EN2: variants seen among roughly 807,000 people sequenced by gnomAD.
The protein encoded by EN2 is homeobox protein engrailed-2.
Under a neutral mutation model 25.0 loss-of-function variants are expected in EN2, and 7 were observed. The ratio of observed to expected loss-of-function variants is 0.28; its 90% CI spans 0.16 to 0.53. EN2 has a LOEUF of 0.53. EN2 is among the 20% of genes least tolerant of loss of function. The pLI is 0.96. For missense variants in EN2, 524 were observed against 501.8 expected (o/e 1.04, Z -0.42); for synonymous variants, 277 against 243.3 (o/e 1.14, Z -1.29).
rs1322836981 is a variant in EN2 at position 155,458,464 on chromosome 7, G to T, written c.87G>T (p.Ser29=). Reference sequence around the variant, plus strand: ...CGGAATCCAGCCCCGGCGGCGGCTCGGGCGGCGGCGGCGGTAGCAGCCCGG... The same window carrying T: ...CGGAATCCAGCCCCGGCGGCGGCTCTGGCGGCGGCGGCGGTAGCAGCCCGG... ...RQPESSPGGG[S]GGGGGSSPGE... The change falls in exon 1 of 2, where the codon TCG becomes TCT. Residue 29 remains serine, a synonymous_variant. Transcript: ENST00000297375. The T allele has an allele frequency of 3.1e-6, 4 of 1,301,024 alleles. No individual in the cohort carries two copies. The highest frequency in any genetic ancestry group is 3.9e-6 in the Non-Finnish European group (4 of 1,024,012). 80.6% of individuals were successfully genotyped at this position (1,301,024 alleles called of 1,614,324 possible).
At chr7:155,459,146 G>A (rs1268633135) in intron 1 of EN2, 84 bp downstream of exon 1, 19 of 1,397,912 alleles carry the variant, frequency 1.4e-5, no homozygotes, top group Non-Finnish European at 1.8e-5. Context: ...GGAACTTACC[G>A]GGAGGAAAAC....
In EN2 at chr7:155,458,647, G is replaced by C. The variant is rs1326056582; in HGVS notation, c.270G>C (p.Ala90=). ...GRRKDAGTCC[A]GAGGGRGGGA... is the part of the protein sequence containing the mutation. The stretch of plus-strand genomic sequence containing the variant: ...GAAAGGACGCGGGGACCTGCTGTGC[G>C]GGCGCGGGAGGAGGAAGGGGCGGCG... Residue 90 remains alanine (A), a synonymous_variant, in exon 1 of 2, where the codon GCG becomes GCC. Transcript: ENST00000297375. 1.6e-5 allele frequency: 22 copies of C among 1,407,306 alleles called. No homozygotes were observed. The highest frequency in any genetic ancestry group is 1.9e-5 in the Non-Finnish European group (21 of 1,079,856). 87.2% of individuals were successfully genotyped at this position (1,407,306 alleles called of 1,614,324 possible). A position where few individuals can be genotyped will look rare whatever the true frequency, so the allele number is the denominator to read the frequency against.
chr7:155,460,924 C>T (rs996854759), intron 1 of EN2, among the ~76,000 whole-genome samples: 13 of 152,190 alleles, frequency 8.5e-5, no homozygotes, highest in Non-Finnish European at 1.8e-4. Flanking sequence ...CCTTGGTGCT[C>T]CTGAGGTGGT....
At position 155,458,912 on chromosome 7, in the gene EN2, G is replaced by C. The variant is rs981786476; in HGVS notation, c.535G>C (p.Gly179Arg). The C allele has an allele frequency of 1.7e-5, 26 of 1,512,756 alleles. No individual in the cohort carries two copies. The Middle Eastern group carries it at 1.1e-3, about 65-fold the overall frequency. 93.7% of individuals were successfully genotyped at this position (1,512,756 alleles called of 1,614,324 possible). The change falls in exon 1 of 2, where the codon GGG (glycine) becomes CGG (arginine). Residue 179 changes from glycine to arginine, a missense_variant. Coordinates refer to ENST00000297375, the MANE Select transcript of EN2 (RefSeq NM_001427.4). Reference sequence around the variant, plus strand: ...CGGCGACCCCGGCGGCCCCCTGGACGGGTCGCTCAAGGCCCGCGGCTTGGG... The same window carrying C: ...CGGCGACCCCGGCGGCCCCCTGGACCGGTCGCTCAAGGCCCGCGGCTTGGG... ...KGGDPGGPLD[G>R]SLKARGLGGG... is the part of the protein sequence containing the mutation.
Position 155,458,317 on chromosome 7 carries a change from G to T in EN2, c.-61G>T. On this transcript the variant is annotated 5_prime_UTR_variant, in exon 1 of 2. Transcript: ENST00000297375. ...GGGTCTCCGTGTGCGCCGCGGGAGG[G>T]CCGAAGGCTGATTTGGAAGGGCGTC... The T allele has an allele frequency of 7.9e-7, 1 of 1,264,394 alleles. No homozygotes were observed. The highest frequency in any genetic ancestry group is 3.1e-5 in the East Asian group (1 of 32,572). The allele number at this position is 1,264,394 out of a possible 1,614,324, so 78.3% of individuals were successfully genotyped here.
At position 155,458,786 on chromosome 7, in the gene EN2, C is replaced by T. The variant is rs1795659940; in HGVS notation, c.409C>T (p.Pro137Ser). 9 of 1,389,794 alleles carry T rather than the reference C, an allele frequency of 6.5e-6. No homozygotes were observed. Among genetic ancestry groups the T allele is most frequent in the Non-Finnish European group, 8.3e-6 (9 of 1,083,958 alleles). The allele number at this position is 1,389,794 out of a possible 1,614,324, so 86.1% of individuals were successfully genotyped here. Residue 137 changes from proline (P) to serine (S), a missense_variant, in exon 1 of 2, where the codon CCC becomes TCC. By Grantham distance (74) the Pro-to-Ser change is moderately conservative (BLOSUM62 -1). Coordinates refer to ENST00000297375, the MANE Select transcript of EN2 (RefSeq NM_001427.4). ...GCCCCGGCAGAACCCGCCATGTGCG[C>T]CCGGCGCGGGCGGGCCGCTCCCAGC... is the stretch of plus-strand genomic sequence containing the variant. ...REPRQNPPCA[P>S]GAGGPLPAAG...
chr7:155,460,484 T>G (rs547245634), intron 1 of EN2, among the ~76,000 whole-genome samples: 2 of 152,372 alleles, frequency 1.3e-5, no homozygotes, highest in East Asian at 3.9e-4. Flanking sequence ...TCCTAAGTAT[T>G]TGTCTTTTGA....
chr7:155,460,581 A>T (rs1585268378), intron 1 of EN2, among the ~76,000 whole-genome samples: 2 of 152,204 alleles, frequency 1.3e-5, no homozygotes, highest in East Asian at 3.9e-4. Context: ...CTGCTTCATG[A>T]GTGCATTAAC....
chr7:155,459,158 T>C (rs1034760866), intron 1 of EN2, 96 bp downstream of exon 1: 4 of 1,267,642 alleles, frequency 3.2e-6, no homozygotes, highest in East Asian at 5.7e-5. Flanking sequence ...GAGGAAAACA[T>C]CTCGAACCTC....
Position 155,458,631 on chromosome 7 carries a change from CG to C in EN2, c.258del (p.Thr87ProfsTer107). Reference sequence around the variant, plus strand: ...CCCGAGTTCGGCCGGCGAAAGGACGCGGGGACCTGCTGTGCGGGCGCGGGAG... The same window carrying C: ...CCCGAGTTCGGCCGGCGAAAGGACGCGGGACCTGCTGTGCGGGCGCGGGAG... ...LRPEFGRRKD[A>X]GTCCAGAGGG... On this transcript the variant is annotated frameshift_variant, in exon 1 of 2. Transcript: ENST00000297375. LOFTEE classifies it high-confidence loss of function. 6.9e-7 allele frequency: 1 copy of C among 1,444,798 alleles called. No homozygotes were observed. The highest frequency in any genetic ancestry group is 9.1e-7 in the Non-Finnish European group (1 of 1,097,274). 89.5% of individuals were successfully genotyped at this position (1,444,798 alleles called of 1,614,324 possible). A position where few individuals can be genotyped will look rare whatever the true frequency, so the allele number is the denominator to read the frequency against.
Position 155,462,519 on chromosome 7 carries a change from G to T in EN2, c.834G>T (p.Ala278=). 6.2e-7 allele frequency: 1 copy of T among 1,614,202 alleles called. No individual in the cohort carries two copies. The highest frequency in any genetic ancestry group is 8.5e-7 in the Non-Finnish European group (1 of 1,180,054). ...CGGAGCAGCGGCGCCAGAGCCTGGC[G>T]CAGGAGCTGAGCCTCAACGAGTCAC... is the stretch of plus-strand genomic sequence containing the variant. ...YLTEQRRQSL[A]QELSLNESQI... The change falls in exon 2 of 2, where the codon GCG becomes GCT. Residue 278 remains alanine, a synonymous_variant. Coordinates refer to ENST00000297375, the MANE Select transcript of EN2 (RefSeq NM_001427.4).
At position 155,458,695 on chromosome 7, in the gene EN2, G is replaced by T. The variant is rs1176960903; in HGVS notation, c.318G>T (p.Ala106=). 8 of 1,339,228 alleles carry T rather than the reference G, an allele frequency of 6.0e-6. No homozygotes were observed. The highest frequency in any genetic ancestry group is 3.1e-5 in the East Asian group (1 of 32,232). 83.0% of individuals were successfully genotyped at this position (1,339,228 alleles called of 1,614,324 possible). Residue 106 remains alanine, a synonymous_variant, in exon 1 of 2, where the codon GCG becomes GCT. Coordinates refer to ENST00000297375, the MANE Select transcript of EN2 (RefSeq NM_001427.4). ...GCGGAGCCGGCGGCGAAGGCGGCGCGAGCGGTGCGGAGGGAGGCGGCGGCG... is the reference window on the plus strand; with the variant it reads ...GCGGAGCCGGCGGCGAAGGCGGCGCTAGCGGTGCGGAGGGAGGCGGCGGCG... ...RGGGAGGEGG[A]SGAEGGGGAG... is the part of the protein sequence containing the mutation.
In EN2 at chr7:155,458,447, A is replaced by T; in HGVS notation, c.70A>T (p.Ser24Cys). 1 of 1,303,620 alleles carries T rather than the reference A, an allele frequency of 7.7e-7. No homozygotes were observed. Among genetic ancestry groups the T allele is most frequent in the Non-Finnish European group, 9.7e-7 (1 of 1,025,928 alleles). The allele number at this position is 1,303,620 out of a possible 1,614,324, so 80.8% of individuals were successfully genotyped here. A position where few individuals can be genotyped will look rare whatever the true frequency, so the allele number is the denominator to read the frequency against. Residue 24 changes from serine (S) to cysteine (C), a missense_variant, in exon 1 of 2, where the codon AGC (serine) becomes TGC (cysteine). Physicochemically the swap from Ser to Cys is moderately radical, Grantham distance 112. Transcript: ENST00000297375. ...GGAGGGACAGCGGCAGCCGGAATCC[A>T]GCCCCGGCGGCGGCTCGGGCGGCGG... ...AVEGQRQPESSPGGGSGGGGG... is the reference protein window; with the variant it reads ...AVEGQRQPESCPGGGSGGGGG...
At position 155,458,200 on chromosome 7, in the gene EN2, C is replaced by A; in HGVS notation, c.-178C>A. Reference sequence around the variant, plus strand: ...CAGTTCGTGGATTCAAAGGTGGCTCCGCGCCGAGCGCGGCCGGCGACTTGT... The same window carrying A: ...CAGTTCGTGGATTCAAAGGTGGCTCAGCGCCGAGCGCGGCCGGCGACTTGT... On this transcript the variant is annotated 5_prime_UTR_variant, in exon 1 of 2. Coordinates refer to ENST00000297375, the MANE Select transcript of EN2 (RefSeq NM_001427.4). The A allele has an allele frequency of 1.2e-6, 1 of 803,494 alleles. No homozygotes were observed. The highest frequency in any genetic ancestry group is 6.7e-5 in the South Asian group (1 of 14,876). 49.8% of individuals were successfully genotyped at this position (803,494 alleles called of 1,614,324 possible).
Position 155,464,478 on chromosome 7 carries a change from T to A in EN2, c.*1791T>A, listed in dbSNP as rs1239987249. ...CTTTATTTCATTGCAGTAATAGTTT[T>A]ACGTTGTACATAATAGTGTAAACCT... On this transcript the variant is annotated 3_prime_UTR_variant, in exon 2 of 2. Coordinates refer to ENST00000297375, the MANE Select transcript of EN2 (RefSeq NM_001427.4). 6.6e-6 allele frequency: 1 copy of A among 152,652 alleles called. No homozygotes were observed. Among genetic ancestry groups the A allele is most frequent in the Admixed American group, 6.5e-5 (1 of 15,286 alleles). 9.5% of individuals were successfully genotyped at this position (152,652 alleles called of 1,614,324 possible).
At chr7:155,460,890 C>A (rs1053873950) in intron 1 of EN2, among the ~76,000 whole-genome samples, 4 of 152,192 alleles carry the variant, frequency 2.6e-5, no homozygotes, top group Non-Finnish European at 5.9e-5. Context: ...GGTGAGCCTG[C>A]CTATGGGTTG....
At position 155,458,788 on chromosome 7, in the gene EN2, C is replaced by G. The variant is rs1039492638; in HGVS notation, c.411C>G (p.Pro137=). Residue 137 remains proline (P), a synonymous_variant, in exon 1 of 2, where the codon CCC becomes CCG. Transcript: ENST00000297375. ...REPRQNPPCA[P]GAGGPLPAAG... is the part of the protein sequence containing the mutation. ...CCCGGCAGAACCCGCCATGTGCGCC[C>G]GGCGCGGGCGGGCCGCTCCCAGCCG... 5.0e-6 allele frequency: 7 copies of G among 1,390,282 alleles called. No individual in the cohort carries two copies. The East Asian group carries it at 9.1e-5, about 18-fold the overall frequency. The allele number at this position is 1,390,282 out of a possible 1,614,324, so 86.1% of individuals were successfully genotyped here.
chr7:155,459,482 A>G (rs894949800), intron 1 of EN2, among the ~76,000 whole-genome samples: 4 of 151,742 alleles, frequency 2.6e-5, no homozygotes, highest in Non-Finnish European at 5.9e-5. Context: ...CCCCTTCCCT[A>G]CGATCTTCCA....
chr7:155,460,181 C>G (rs1438745882), intron 1 of EN2, among the ~76,000 whole-genome samples: 1 of 152,244 alleles, frequency 6.6e-6, no homozygotes, highest in Non-Finnish European at 1.5e-5. Flanking sequence ...CTCCATTGTT[C>G]TCGTCTTCCT....
Sources: gnomAD v4.1 joint callset for allele counts (sites outside exome capture counted in the v4.1 genomes callset) on GRCh38, gnomAD v4.1.1 for gene constraint, MANE v1.5 for transcripts, NCBI Gene and HGNC (gene_info 2026-07-23, HGNC 2026-07-21) for gene names.